The following SLC22A5 variants were observed in gnomAD, a reference collection of about 807,000 sequenced individuals.
The protein encoded by SLC22A5 is organic cation/carnitine transporter 2.
In SLC22A5, 44 loss-of-function variants were observed where a neutral mutation model predicts 56.7. That is an observed-to-expected ratio of 0.78 (90% confidence interval 0.61 to 1.00). The LOEUF (loss-of-function observed/expected upper bound fraction) is 1.00. SLC22A5 is among the 50% of genes least tolerant of loss of function. SLC22A5 has a pLI of 0.00. For missense variants in SLC22A5, 675 were observed against 723.0 expected, an observed-to-expected ratio of 0.93 and a Z score of 0.76; for synonymous variants, 278 against 292.1, an observed-to-expected ratio of 0.95 and a Z score of 0.49.
intron 2 of SLC22A5, chr5:132,382,187 C>T (rs1158784856): frequency 2.0e-5 from 3 of 152,150 alleles, no homozygotes; most frequent in Non-Finnish European, 4.4e-5. Flanking sequence ...AGAAAAAAAC[C>T]TCTTTTATTG....
chr5:132,372,873 G>T (rs988920550), intron 1 of SLC22A5, among the ~76,000 whole-genome samples: 3 of 152,164 alleles, frequency 2.0e-5, no homozygotes, highest in Admixed American at 1.3e-4. Context: ...CCTGCTAAAT[G>T]TCTCTAAGCC....
chr5:132,373,211 G>A (rs1474992224), intron 1 of SLC22A5, among the ~76,000 whole-genome samples: 1 of 152,194 alleles, frequency 6.6e-6, no homozygotes, highest in African/African-American at 2.4e-5. Context: ...GAAACTTGAG[G>A]GTGGCTGAAA....
rs754137149 is a variant in SLC22A5, at chr5:132,392,452, A to T, written c.1287A>T (p.Thr429=). ...LVPPDLYYLA[T]VLVMVGKFGV... ...CTCCAGACTTGTATTATTTGGCTAC[A>T]GTCCTGGTGATGGTGGGCAAGTTTG... The change falls in exon 8 of 10, where the codon ACA becomes ACT. Residue 429 remains threonine (T), a synonymous_variant. Transcript: ENST00000245407. The T allele has an allele frequency of 6.2e-7, 1 of 1,614,190 alleles. No individual in the cohort carries two copies.
intron 2 of SLC22A5, chr5:132,381,175 G>C (rs1415081058): frequency 6.6e-6 from 1 of 152,182 alleles, no homozygotes; most frequent in Non-Finnish European, 1.5e-5. Flanking sequence ...CCTGAGGAAA[G>C]CATTTAAGTT....
chr5:132,381,840 T>G (rs1752358685), intron 2 of SLC22A5: 1 of 152,182 alleles, frequency 6.6e-6, no homozygotes, highest in Non-Finnish European at 1.5e-5. Context: ...TGCCAAGGAC[T>G]GGTGCTATGT....
chr5:132,370,953 CT>C (rs750736082), intron 1 of SLC22A5, among the ~76,000 whole-genome samples: 127 of 133,560 alleles, frequency 9.5e-4, no homozygotes, highest in Non-Finnish European at 8.6e-4. Context: ...AGTTGTCAGT[CT>C]TTTTTTTTTT....
At chr5:132,386,942 C>T (rs1752551223) in intron 4 of SLC22A5, 83 bp from the exon 5 acceptor site, 1 of 1,449,822 alleles carries the variant, frequency 6.9e-7, no homozygotes, top group Non-Finnish European at 9.7e-7. Flanking sequence ...CAACCTTATT[C>T]CCACCTATGG....
chr5:132,376,610 T>C (rs1311161501), intron 1 of SLC22A5: 1 of 152,234 alleles, frequency 6.6e-6, no homozygotes, highest in Admixed American at 6.5e-5. Flanking sequence ...CTAGTCTAGC[T>C]CAGCCATATG....
intron 1 of SLC22A5, among the ~76,000 whole-genome samples, 200 bp downstream of exon 1, chr5:132,370,565 C>G (rs990815324): frequency 6.6e-6 from 1 of 152,224 alleles, no homozygotes; most frequent in African/African-American, 2.4e-5. Context: ...ACAGTGTGCT[C>G]CTCCCTGCAC....
Position 132,394,335 on chromosome 5 carries a change from G to A in SLC22A5, c.*63G>A, listed in dbSNP as rs1424221846. On this transcript the variant is annotated 3_prime_UTR_variant, in exon 10 of 10. Transcript: ENST00000245407. ...CTGTCTTGCCAGAAATGGCCAGCTT[G>A]TGCAGACTCCGAGTCCTTCAGTGAC... The A allele has an allele frequency of 1.6e-5, 19 of 1,196,312 alleles. No individual in the cohort carries two copies. The highest frequency in any genetic ancestry group is 3.6e-5 in the South Asian group (3 of 82,536). 74.1% of individuals were successfully genotyped at this position (1,196,312 alleles called of 1,614,324 possible). A position where few individuals can be genotyped will look rare whatever the true frequency, so the allele number is the denominator to read the frequency against.
chr5:132,373,991 G>C (rs1250854939), intron 1 of SLC22A5, among the ~76,000 whole-genome samples: 2 of 152,258 alleles, frequency 1.3e-5, no homozygotes, highest in East Asian at 3.9e-4. Context: ...GGCTGAGGCA[G>C]GTGGATCACA....
intron 5 of SLC22A5, among the ~76,000 whole-genome samples, chr5:132,388,716 A>C (rs1335089182): frequency 1.3e-5 from 2 of 152,028 alleles, no homozygotes; most frequent in Non-Finnish European, 2.9e-5. Flanking sequence ...CCTCATTTTC[A>C]TTCACTCTGA....
Position 132,370,171 on chromosome 5 carries a change from G to GTCCC in SLC22A5, c.200_203dup (p.Leu69ProfsTer70), listed in dbSNP as rs764144793. The GTCCC allele has an allele frequency of 1.2e-6, 2 of 1,604,470 alleles. No homozygotes were observed. Reference sequence around the variant, plus strand: ...GAGCAGCGCCTGGCGCAACCACACTGTCCCACTGCGGCTGCGGGACGGCCG... The same window carrying GTCCC: ...GAGCAGCGCCTGGCGCAACCACACTGTCCCTCCCACTGCGGCTGCGGGACGGCCG... On this transcript the variant is annotated frameshift_variant, in exon 1 of 10. Coordinates refer to ENST00000245407, the MANE Select transcript of SLC22A5 (RefSeq NM_003060.4). LOFTEE classifies it high-confidence loss of function.
At chr5:132,386,939 A>T in intron 4 of SLC22A5, 86 bp from the exon 5 acceptor site, 1 of 1,426,700 alleles carries the variant, frequency 7.0e-7, no homozygotes, top group Non-Finnish European at 9.9e-7. Context: ...CTGCAACCTT[A>T]TTCCCACCTA....
rs386134222 is a variant in SLC22A5 at position 132,392,574 on chromosome 5, C to T, written c.1409C>T (p.Ser470Phe). 4 of 1,614,192 alleles carry T rather than the reference C, an allele frequency of 2.5e-6. No individual in the cohort carries two copies. In the South Asian group the frequency reaches 3.3e-5, roughly 13 times the overall value. Residue 470 changes from serine to phenylalanine, a missense_variant, in exon 8 of 10, where the codon TCC becomes TTC. Transcript: ENST00000245407. The part of the protein sequence containing the change: ...NMGVGVSSTA[S>F]RLGSILSPYF... ...GGTGTGGGAGTCAGCTCCACAGCATCCCGCCTGGGCAGCATCCTGTCTCCC... is the reference window on the plus strand; with the variant it reads ...GGTGTGGGAGTCAGCTCCACAGCATTCCGCCTGGGCAGCATCCTGTCTCCC...
Position 132,384,412 on chromosome 5 carries a change from A to G in SLC22A5, c.652+111A>G, listed in dbSNP as rs568893698. 5.2e-6 allele frequency: 6 copies of G among 1,163,292 alleles called. No individual in the cohort carries two copies. The Admixed American group carries it at 6.9e-5, about 13-fold the overall frequency. The allele number at this position is 1,163,292 out of a possible 1,614,324, so 72.1% of individuals were successfully genotyped here. On this transcript the variant is annotated intron_variant, in intron 3 of 9. Transcript: ENST00000245407. ...TCCCTCAAGGGGGACAGGGTTTCTA[A>G]CAAAACTAGCCAGAGCTTCCTGGTG...
chr5:132,389,637 T>A (rs11748193), intron 6 of SLC22A5: 43,464 of 159,216 alleles, frequency 0.27, 7,639 homozygotes, highest in Non-Finnish European at 0.4. Flanking sequence ...TCTAGGCGAC[T>A]TCTGGAGCCT....
At chr5:132,381,649 T>C (rs1752352021) in intron 2 of SLC22A5, 1 of 152,256 alleles carries the variant, frequency 6.6e-6, no homozygotes, top group Non-Finnish European at 1.5e-5. Context: ...GCAATTAAAG[T>C]ACTCCTGGGT....
At chr5:132,370,469 TC>T in intron 1 of SLC22A5, 104 bp downstream of exon 1, 1 of 1,266,816 alleles carries the variant, frequency 7.9e-7, no homozygotes, top group Non-Finnish European at 1.1e-6. Context: ...ACGCTGTCAC[TC>T]CCCCTCCCCC....
Sources: allele counts gnomAD v4.1 joint callset (sites outside exome capture counted in the v4.1 genomes callset), GRCh38; gene constraint gnomAD v4.1.1; transcripts MANE v1.5; gene names NCBI Gene and HGNC (gene_info 2026-07-23, HGNC 2026-07-21).